The following GRIN2B variants were observed in gnomAD, a reference collection of about 807,000 sequenced individuals.
The protein encoded by GRIN2B is glutamate ionotropic receptor NMDA type subunit 2B.
Under a neutral mutation model 114.5 loss-of-function variants are expected in GRIN2B, and 5 were observed. The observed-to-expected ratio is 0.04, with a 90% CI of 0.02 to 0.09. GRIN2B has a LOEUF of 0.09. Ranked by LOEUF, GRIN2B falls within the 10% of genes least tolerant of loss-of-function variation. The pLI is 1.00. For synonymous variants in GRIN2B, 787 were observed against 745.1 expected (o/e 1.06, Z -0.92); for missense variants, 1,108 against 1,943.5 (o/e 0.57, Z 8.08).
At chr12:13,599,085 G>A (rs992986359) in intron 10 of GRIN2B, among the ~76,000 whole-genome samples, 2 of 152,198 alleles carry the variant, frequency 1.3e-5, no homozygotes, top group Non-Finnish European at 2.9e-5. Flanking sequence ...CTCGATCAAA[G>A]CCATCACCTG....
chr12:13,952,008 G>C (rs1867490961), intron 2 of GRIN2B, among the ~76,000 whole-genome samples: 1 of 152,032 alleles, frequency 6.6e-6, no homozygotes, highest in Admixed American at 6.6e-5. Context: ...TATATCAAAA[G>C]TGGATCTGTG....
In GRIN2B at chr12:13,949,007, A is replaced by C. The variant is rs542714247; in HGVS notation, c.-19+30921T>G. 2.0e-4 allele frequency among the ~76,000 whole-genome samples: 31 copies of C among 152,244 alleles called. No homozygotes were observed. In the South Asian group the frequency reaches 5.2e-3, roughly 26 times the overall value. On this transcript the variant is annotated intron_variant, in intron 2 of 13. Coordinates refer to ENST00000609686, the MANE Select transcript of GRIN2B (RefSeq NM_000834.5). The stretch of plus-strand genomic sequence containing the variant: ...TTAAGAGAGTGTTCCCAGAGGTTCT[A>C]CTACTTTCCCTGTATCACAAGTCCT...
chr12:13,681,487 T>C (rs1037027109), intron 4 of GRIN2B, among the ~76,000 whole-genome samples: 8 of 152,174 alleles, frequency 5.3e-5, no homozygotes, highest in Non-Finnish European at 7.3e-5. Context: ...GGACAAATTC[T>C]TGACCCCCTC....
chr12:13,780,479 A>G (rs551375273), intron 3 of GRIN2B, among the ~76,000 whole-genome samples: 1 of 152,318 alleles, frequency 6.6e-6, no homozygotes, highest in South Asian at 2.1e-4. Context: ...CATTTCAACC[A>G]CAAAGAATAG....
intron 4 of GRIN2B, among the ~76,000 whole-genome samples, chr12:13,687,068 C>A (rs1950179277): frequency 6.6e-6 from 1 of 152,144 alleles, no homozygotes; most frequent in African/African-American, 2.4e-5. Flanking sequence ...CGAGTAGAAG[C>A]AGACTGAGGC....
chr12:13,599,992 C>T (rs1949133626), intron 10 of GRIN2B, among the ~76,000 whole-genome samples: 1 of 152,162 alleles, frequency 6.6e-6, no homozygotes, highest in East Asian at 1.9e-4. Flanking sequence ...TGTTTGTTGC[C>T]TATTTTTGGC....
intron 4 of GRIN2B, among the ~76,000 whole-genome samples, chr12:13,693,767 C>T (rs1950234508): frequency 6.6e-6 from 1 of 152,200 alleles, no homozygotes; most frequent in African/African-American, 2.4e-5. Context: ...CGGTGACTCC[C>T]CTACTCTCTG....
At chr12:13,633,600 A>AC (rs764762077) in intron 5 of GRIN2B, among the ~76,000 whole-genome samples, 3 of 152,204 alleles carry the variant, frequency 2.0e-5, no homozygotes, top group Admixed American at 1.3e-4. Context: ...CAGCTGGTAG[A>AC]AATAAAATGT....
At chr12:13,777,013 G>T (rs1864017632) in intron 3 of GRIN2B, among the ~76,000 whole-genome samples, 1 of 152,110 alleles carries the variant, frequency 6.6e-6, no homozygotes. Context: ...ACACTAATGG[G>T]TGTCCCTAAG....
At chr12:13,839,131 C>T (rs1271645121) in intron 3 of GRIN2B, among the ~76,000 whole-genome samples, 1 of 152,216 alleles carries the variant, frequency 6.6e-6, no homozygotes, top group Non-Finnish European at 1.5e-5. Context: ...TCAGCTCTGG[C>T]ACTGTGAAGC....
intron 4 of GRIN2B, among the ~76,000 whole-genome samples, chr12:13,700,709 A>C (rs767327879): frequency 6.6e-5 from 10 of 152,168 alleles, no homozygotes; most frequent in Non-Finnish European, 1.5e-4. Flanking sequence ...ACTCTAACTA[A>C]TGCCACTTGG....
At chr12:13,792,290 A>G (rs1382008537) in intron 3 of GRIN2B, among the ~76,000 whole-genome samples, 1 of 152,190 alleles carries the variant, frequency 6.6e-6, no homozygotes, top group African/African-American at 2.4e-5. Flanking sequence ...CTAGAGGAGA[A>G]CTTACTTAAA....
intron 11 of GRIN2B, among the ~76,000 whole-genome samples, chr12:13,570,671 A>AT (rs34579703): frequency 0.3 from 45,893 of 152,034 alleles, 8,702 homozygotes; most frequent in Middle Eastern, 0.5. Context: ...CATTTTATGT[A>AT]TTGTGCTTTG....
chr12:13,723,981 T>C (rs1191518321), intron 4 of GRIN2B, among the ~76,000 whole-genome samples: 1 of 152,026 alleles, frequency 6.6e-6, no homozygotes, highest in Non-Finnish European at 1.5e-5. Flanking sequence ...GAAATTCCAA[T>C]AGGAAAAGAA....
Position 13,753,612 on chromosome 12 carries a change from A to G in GRIN2B, c.715T>C (p.Tyr239His). 1 of 1,614,204 alleles carries G rather than the reference A, an allele frequency of 6.2e-7. No individual in the cohort carries two copies. Among genetic ancestry groups the G allele is most frequent in the South Asian group, 1.1e-5 (1 of 91,084 alleles). ...ACTGAGTTGGCCACTTCAAAGATGT[A>G]GGTGGCTTCTTCCTTGGTACAGTAA... is the stretch of plus-strand genomic sequence containing the variant. ...LLYCTKEEAT[Y>H]IFEVANSVGL... Residue 239 changes from tyrosine (Y) to histidine (H), a missense_variant, in exon 4 of 14, where the codon TAC (tyrosine) becomes CAC (histidine). By Grantham distance (83) the Tyr-to-His change is moderately conservative (BLOSUM62 2). Coordinates refer to ENST00000609686, the MANE Select transcript of GRIN2B (RefSeq NM_000834.5). This position sits in a 1 kb window ranked among gnomAD's most constrained non-coding sequence, Gnocchi z 6.2.
intron 4 of GRIN2B, among the ~76,000 whole-genome samples, chr12:13,685,914 G>A (rs1950171452): frequency 6.6e-6 from 1 of 152,142 alleles, no homozygotes; most frequent in African/African-American, 2.4e-5. Flanking sequence ...ACAGTTCAGT[G>A]AGATGAACAG....
intron 5 of GRIN2B, among the ~76,000 whole-genome samples, chr12:13,662,711 T>TC (rs1949936480): frequency 6.6e-6 from 1 of 152,122 alleles, no homozygotes; most frequent in African/African-American, 2.4e-5. Context: ...ATAAACCCAA[T>TC]CGGCCTCGTG....
In GRIN2B at chr12:13,976,317, C is replaced by A. The variant is rs551103523; in HGVS notation, c.-19+3611G>T. ...ATCTATATTTATTTACAATGAGAGA[C>A]AATACTGGCATCCAATCATGTGCAC... On this transcript the variant is annotated intron_variant, in intron 2 of 13. Coordinates refer to ENST00000609686, the MANE Select transcript of GRIN2B (RefSeq NM_000834.5). Among the ~76,000 whole-genome samples, 193 of 152,284 alleles carry A rather than the reference C, an allele frequency of 1.3e-3. 2 individuals carry two copies. The highest frequency in any genetic ancestry group is 3.4e-3 in the Middle Eastern group (1 of 294).
chr12:13,770,949 C>T (rs935653742), intron 3 of GRIN2B, among the ~76,000 whole-genome samples: 3 of 152,276 alleles, frequency 2.0e-5, no homozygotes, highest in East Asian at 1.9e-4. Context: ...TGAATGATTT[C>T]GACAACTGGT....
Sources: allele counts gnomAD v4.1 joint callset (sites outside exome capture counted in the v4.1 genomes callset), GRCh38; gene constraint gnomAD v4.1.1; non-coding constraint Gnocchi (gnomAD v3.1); transcripts MANE v1.5; gene names NCBI Gene and HGNC (gene_info 2026-07-23, HGNC 2026-07-21).